AMBRA1: variants seen among roughly 807,000 people sequenced by gnomAD.
AMBRA1 encodes the protein activating molecule in BECN1-regulated autophagy protein 1.
AMBRA1 carries 47 observed loss-of-function variants against 125.4 expected under a neutral mutation model. The ratio of observed to expected loss-of-function variants is 0.37; its 90% CI spans 0.30 to 0.48. The LOEUF (loss-of-function observed/expected upper bound fraction) is 0.48. Ranked by LOEUF, AMBRA1 falls within the 20% of genes least tolerant of loss-of-function variation. The probability of loss-of-function intolerance (pLI) is 0.99; values close to 1 mark genes in which losing one functional copy is unlikely to be tolerated. For synonymous variants in AMBRA1, 626 were observed against 655.5 expected, an observed-to-expected ratio of 0.95 and a Z score of 0.69; for missense variants, 1,331 against 1,693.4, an observed-to-expected ratio of 0.79 and a Z score of 3.76.
intron 11 of AMBRA1, among the ~76,000 whole-genome samples, chr11:46,444,850 C>G (rs1667024097): frequency 1.3e-5 from 2 of 152,142 alleles, no homozygotes; most frequent in African/African-American, 4.8e-5. Context: ...AAAGTACTCT[C>G]TGCACTCTTC....
At chr11:46,440,779 G>C (rs1947965366) in intron 12 of AMBRA1, among the ~76,000 whole-genome samples, 1 of 152,080 alleles carries the variant, frequency 6.6e-6, no homozygotes, top group East Asian at 1.9e-4. Flanking sequence ...CATTGAGACA[G>C]GACATGAAAA....
intron 1 of AMBRA1, among the ~76,000 whole-genome samples, chr11:46,582,331 C>G (rs1406587057): frequency 6.6e-6 from 1 of 152,148 alleles, no homozygotes; most frequent in African/African-American, 2.4e-5. Context: ...TTAAGTATCA[C>G]TTCTTCAGAA....
chr11:46,414,336 T>C (rs1010906381), intron 15 of AMBRA1, among the ~76,000 whole-genome samples: 1 of 152,202 alleles, frequency 6.6e-6, no homozygotes, highest in African/African-American at 2.4e-5. Flanking sequence ...CCCTTTTGAT[T>C]CGGAGGCATG....
intron 11 of AMBRA1, among the ~76,000 whole-genome samples, chr11:46,466,908 T>C (rs773884620): frequency 7.5e-6 from 1 of 133,266 alleles, no homozygotes. Flanking sequence ...GTTTCTTTTT[T>C]TCTTTTCTTT....
At chr11:46,545,288 T>A (rs368993355) in intron 5 of AMBRA1, among the ~76,000 whole-genome samples, 1 of 150,328 alleles carries the variant, frequency 6.7e-6, no homozygotes, top group South Asian at 2.1e-4. Flanking sequence ...GGTGAAACCC[T>A]ATCTTTATTA....
At chr11:46,475,146 T>A (rs895539694) in intron 11 of AMBRA1, among the ~76,000 whole-genome samples, 3 of 152,224 alleles carry the variant, frequency 2.0e-5, no homozygotes, top group African/African-American at 7.2e-5. Flanking sequence ...GCAACCCAAC[T>A]AACTTCAAAC....
intron 1 of AMBRA1, among the ~76,000 whole-genome samples, chr11:46,568,363 G>A (rs938690467): frequency 7.3e-5 from 11 of 151,374 alleles, no homozygotes; most frequent in African/African-American, 2.4e-4. Flanking sequence ...AAGGCTGAGG[G>A]AGAAGAATTG....
chr11:46,585,240 G>A (rs1172669017), intron 1 of AMBRA1, among the ~76,000 whole-genome samples: 1 of 151,946 alleles, frequency 6.6e-6, no homozygotes, highest in Non-Finnish European at 1.5e-5. Flanking sequence ...CTCTGCCTAG[G>A]AAAACCAGAG....
Position 46,543,175 on chromosome 11 carries a change from CGCTCCGTGGAGGG to C in AMBRA1, c.829_841del (p.Pro277AlafsTer85). 1 of 1,567,896 alleles carries C rather than the reference CGCTCCGTGGAGGG, an allele frequency of 6.4e-7. No individual in the cohort carries two copies. On this transcript the variant is annotated frameshift_variant, in exon 7 of 18. Coordinates refer to ENST00000683756, the MANE Select transcript of AMBRA1 (RefSeq NM_001387011.1). LOFTEE classifies it high-confidence loss of function. ...CCTGATGTAAGCGGAAGTCCTGGGGCGCTCCGTGGAGGGCTGAGGGGGAGGCGGTGGGGGTGAG... is the reference window on the plus strand; with the variant it reads ...CCTGATGTAAGCGGAAGTCCTGGGGCCTGAGGGGGAGGCGGTGGGGGTGAG...
At chr11:46,567,259 A>G (rs2043566104) in intron 1 of AMBRA1, among the ~76,000 whole-genome samples, 1 of 152,140 alleles carries the variant, frequency 6.6e-6, no homozygotes, top group South Asian at 2.1e-4. Context: ...TTTAGTAGAA[A>G]CGTGGTTTCA....
chr11:46,513,557 C>T (rs1419283405), intron 7 of AMBRA1, among the ~76,000 whole-genome samples: 4 of 152,098 alleles, frequency 2.6e-5, no homozygotes, highest in Non-Finnish European at 5.9e-5. Flanking sequence ...GAACACTGGG[C>T]CCAGAAGTTA....
In AMBRA1 at chr11:46,408,617, G is replaced by A. The variant is rs771966929; in HGVS notation, c.3299C>T (p.Thr1100Ile). The A allele has an allele frequency of 4.3e-6, 7 of 1,609,794 alleles. No homozygotes were observed. Among genetic ancestry groups the A allele is most frequent in the South Asian group, 2.2e-5 (2 of 90,764 alleles). ...GGCCAGAGTCTGGGTGCCCTGAGAT[G>A]TCACTGAGGTGGCAGGGTTCCGGGG... ...LQPRNPATSVTSQGTQTLALQ... is the reference protein window; with the variant it reads ...LQPRNPATSVISQGTQTLALQ... Residue 1100 changes from threonine (T) to isoleucine (I), a missense_variant, in exon 17 of 18, where the codon ACA (threonine) becomes ATA (isoleucine). Thr to Ile is a moderately conservative substitution (Grantham distance 89). This residue lies in a region of AMBRA1 where 354 missense variants were observed against 532.7 expected (regional missense o/e 0.66). Transcript: ENST00000683756.
intron 11 of AMBRA1, among the ~76,000 whole-genome samples, chr11:46,480,443 GGGGT>G (rs1950016059): frequency 6.6e-6 from 1 of 151,980 alleles, no homozygotes; most frequent in Admixed American, 6.6e-5. Flanking sequence ...ACTAAATTTG[GGGGT>G]GGTTTGTTCA....
At chr11:46,583,131 T>C (rs1318047943) in intron 1 of AMBRA1, among the ~76,000 whole-genome samples, 1 of 152,114 alleles carries the variant, frequency 6.6e-6, no homozygotes, top group Non-Finnish European at 1.5e-5. Context: ...CAAAACAGCA[T>C]GGTACTGGTA....
intron 11 of AMBRA1, among the ~76,000 whole-genome samples, chr11:46,490,465 A>C (rs1030296160): frequency 1.3e-5 from 2 of 152,178 alleles, no homozygotes; most frequent in African/African-American, 2.4e-5. Context: ...ACACTTTTCT[A>C]TAGTAGCTTC....
intron 11 of AMBRA1, among the ~76,000 whole-genome samples, chr11:46,452,336 T>TTTGTTG (rs759932665): frequency 2.6e-5 from 4 of 152,066 alleles, no homozygotes; most frequent in Middle Eastern, 3.4e-3. Flanking sequence ...TTTAAGGTTT[T>TTTGTTG]TTGTTGTTGT....
chr11:46,527,514 T>G (rs1283623148), intron 7 of AMBRA1, among the ~76,000 whole-genome samples: 1 of 107,028 alleles, frequency 9.3e-6, no homozygotes. Context: ...AGGCAACCTA[T>G]GGAATGGGAG....
chr11:46,479,483 G>A (rs921163747), intron 11 of AMBRA1, among the ~76,000 whole-genome samples: 2 of 152,052 alleles, frequency 1.3e-5, no homozygotes, highest in African/African-American at 4.8e-5. Flanking sequence ...AGAACTCTGA[G>A]GTCAGGAGTT....
chr11:46,546,431 T>C (rs79565082), intron 4 of AMBRA1, among the ~76,000 whole-genome samples: 1 of 152,054 alleles, frequency 6.6e-6, no homozygotes, highest in Non-Finnish European at 1.5e-5. Flanking sequence ...ACAAAGAGGA[T>C]CTTGCTTTGA....
Sources: allele counts gnomAD v4.1 joint callset (sites outside exome capture counted in the v4.1 genomes callset), GRCh38; gene constraint gnomAD v4.1.1; regional missense constraint gnomAD v4.1.1; transcripts MANE v1.5; gene names NCBI Gene and HGNC (gene_info 2026-07-23, HGNC 2026-07-21).